ANKRD36C: variants seen among roughly 807,000 people sequenced by gnomAD.
ANKRD36C encodes the protein ankyrin repeat domain-containing protein 36C.
In ANKRD36C, 61 loss-of-function variants were observed where a neutral mutation model predicts 276.4. That is an observed-to-expected ratio of 0.22 (90% CI 0.18 to 0.27). The LOEUF is 0.27. Among genes scored for constraint, ANKRD36C ranks in the 10% least tolerant of loss-of-function variants. The pLI is 1.00. For missense variants in ANKRD36C, 1,447 were observed against 2,032.3 expected (o/e 0.71, Z 5.54); for synonymous variants, 483 against 680.1 (o/e 0.71, Z 4.51).
exon 47 of ANKRD36C, chr2:95,889,991 G>A (rs779419243): frequency 1.9e-6 from 3 of 1,609,332 alleles, no homozygotes; most frequent in Non-Finnish European, 2.5e-6. Flanking sequence ...TTTATGAGAA[G>A]ACACTGAAAA....
chr2:95,908,756 T>G, intron 42 of ANKRD36C, 59 bp from the exon 47 acceptor site: 1 of 1,534,188 alleles, frequency 6.5e-7, no homozygotes, highest in East Asian at 2.5e-5. Flanking sequence ...ATTATCCACA[T>G]ATTCATGCAG....
At chr2:95,884,779 C>G (rs1337189790) in intron 52 of ANKRD36C, among the ~76,000 whole-genome samples, 2 of 151,906 alleles carry the variant, frequency 1.3e-5, no homozygotes, top group African/African-American at 4.8e-5. Context: ...CATTATACTA[C>G]AGACATTCAT....
At chr2:95,879,760 C>T (rs1460043836) in intron 58 of ANKRD36C, among the ~76,000 whole-genome samples, 4 of 151,706 alleles carry the variant, frequency 2.6e-5, no homozygotes, top group Non-Finnish European at 4.4e-5. Context: ...TTTTAATTGA[C>T]TTTTAAAGCA....
chr2:95,975,723 A>T (rs1171425994), intron 6 of ANKRD36C, among the ~76,000 whole-genome samples: 4 of 152,254 alleles, frequency 2.6e-5, no homozygotes, highest in African/African-American at 9.6e-5. Flanking sequence ...ATGGGCAAGG[A>T]CTTCATGTCT....
intron 63 of ANKRD36C, among the ~76,000 whole-genome samples, chr2:95,854,938 T>C (rs1234289624): frequency 6.6e-6 from 1 of 152,158 alleles, no homozygotes; most frequent in Non-Finnish European, 1.5e-5. Flanking sequence ...CATTTCCATA[T>C]ACCTGATTTA....
intron 38 of ANKRD36C, among the ~76,000 whole-genome samples, chr2:95,915,605 C>A (rs963264095): frequency 6.6e-6 from 1 of 151,436 alleles, no homozygotes; most frequent in African/African-American, 2.4e-5. Context: ...ATTATGAACA[C>A]TTTTCTGTCT....
At position 95,891,655 on chromosome 2, in the gene ANKRD36C, T is replaced by C; in HGVS notation, c.2857+10A>G. The C allele has an allele frequency of 6.4e-7, 1 of 1,552,018 alleles. No homozygotes were observed. Among genetic ancestry groups the C allele is most frequent in the Non-Finnish European group, 8.7e-7 (1 of 1,147,378 alleles). Reference sequence around the variant, plus strand: ...ACTGAACATGACATTAAATCTCTTTTCAAAATTACCTCTCCTAGTTTTTTC... The same window carrying C: ...ACTGAACATGACATTAAATCTCTTTCCAAAATTACCTCTCCTAGTTTTTTC... On this transcript the variant is annotated intron_variant, in intron 46 of 66. Transcript: ENST00000456556.
At chr2:95,955,079 T>C (rs1023167274) in intron 13 of ANKRD36C, among the ~76,000 whole-genome samples, 4 of 152,292 alleles carry the variant, frequency 2.6e-5, no homozygotes, top group African/African-American at 9.6e-5. Flanking sequence ...ATTGCTGGTT[T>C]GCCGGCCAAT....
At chr2:95,940,076 T>C (rs1372697764) in intron 20 of ANKRD36C, among the ~76,000 whole-genome samples, 2 of 152,300 alleles carry the variant, frequency 1.3e-5, no homozygotes, top group Admixed American at 6.5e-5. Context: ...TGGAGTGCAT[T>C]GGCACAATCT....
chr2:95,958,204 G>A (rs1469431767), intron 12 of ANKRD36C, among the ~76,000 whole-genome samples: 1 of 151,706 alleles, frequency 6.6e-6, no homozygotes, highest in South Asian at 2.1e-4. Context: ...GGCTTTTTAC[G>A]ATCACTTCTT....
At chr2:95,879,192 A>T (rs1287038567) in intron 58 of ANKRD36C, among the ~76,000 whole-genome samples, 2 of 152,194 alleles carry the variant, frequency 1.3e-5, no homozygotes, top group African/African-American at 4.8e-5. Context: ...AAAATAATCC[A>T]GGCAAAGAAA....
chr2:95,942,457 A>T (rs1677920875), intron 19 of ANKRD36C, among the ~76,000 whole-genome samples: 1 of 152,312 alleles, frequency 6.6e-6, no homozygotes, highest in African/African-American at 2.4e-5. Flanking sequence ...GCTCATTTTT[A>T]AAAAATCATC....
In ANKRD36C at chr2:95,962,210, C is replaced by T. The variant is rs1470181010; in HGVS notation, c.901+142G>A. The T allele has an allele frequency of 5.3e-6, 5 of 948,810 alleles. No homozygotes were observed. The East Asian group carries it at 7.9e-5, about 15-fold the overall frequency. 58.8% of individuals were successfully genotyped at this position (948,810 alleles called of 1,614,324 possible). On this transcript the variant is annotated intron_variant, in intron 8 of 66. Coordinates refer to ENST00000456556, the Ensembl canonical transcript of ANKRD36C. ...AAGGACCAGTAGCATCGGCGTCACC[C>T]AAGAACTTATTACAAAAGCAGAATC... is the stretch of plus-strand genomic sequence containing the variant.
intron 1 of ANKRD36C, among the ~76,000 whole-genome samples, chr2:95,991,234 C>T (rs1679131720): frequency 8.2e-6 from 1 of 122,050 alleles, no homozygotes; most frequent in Admixed American, 8.3e-5. Context: ...CCCTACCCCC[C>T]AAGCCTTCAT....
At chr2:95,947,555 C>G (rs1254653096) in intron 17 of ANKRD36C, among the ~76,000 whole-genome samples, 1 of 151,992 alleles carries the variant, frequency 6.6e-6, no homozygotes, top group Non-Finnish European at 1.5e-5. Flanking sequence ...GCACAAAAGC[C>G]TCTGAAATTT....
intron 34 of ANKRD36C, among the ~76,000 whole-genome samples, chr2:95,918,618 T>C (rs1169602972): frequency 6.6e-6 from 1 of 151,688 alleles, no homozygotes; most frequent in Non-Finnish European, 1.5e-5. Flanking sequence ...TCATTATCTC[T>C]CACACCCATG....
exon 60 of ANKRD36C, chr2:95,867,444 A>G: frequency 7.4e-7 from 1 of 1,345,984 alleles, no homozygotes; most frequent in Non-Finnish European, 1.0e-6. Flanking sequence ...TCCTACCTTT[A>G]CACTTCATTT....
At chr2:95,963,998 T>TAA (rs1678531063) in intron 6 of ANKRD36C, among the ~76,000 whole-genome samples, 2 of 14,798 alleles carry the variant, frequency 1.4e-4, no homozygotes, top group South Asian at 3.1e-3. Context: ...TATATATATA[T>TAA]ATATATATAT....
At chr2:95,983,162 A>G (rs1407417073) in intron 3 of ANKRD36C, among the ~76,000 whole-genome samples, 1 of 151,074 alleles carries the variant, frequency 6.6e-6, no homozygotes, top group Non-Finnish European at 1.5e-5. Context: ...GTCACCTGAG[A>G]TTCTGACACG....
Sources: gnomAD v4.1 joint callset for allele counts (sites outside exome capture counted in the v4.1 genomes callset) on GRCh38, gnomAD v4.1.1 for gene constraint, MANE v1.5 for transcripts, NCBI Gene and HGNC (gene_info 2026-07-23, HGNC 2026-07-21) for gene names.